ABCB8: variants seen among roughly 807,000 people sequenced by gnomAD.
The protein encoded by ABCB8 is mitochondrial potassium channel ATP-binding subunit.
Under a neutral mutation model 73.0 loss-of-function variants are expected in ABCB8, and 52 were observed. That is an observed-to-expected ratio of 0.71 (90% CI 0.57 to 0.90). The LOEUF (loss-of-function observed/expected upper bound fraction) is 0.90. Ranked by LOEUF, ABCB8 falls within the 40% of genes least tolerant of loss-of-function variation. The pLI is 0.00. For missense variants in ABCB8, 909 were observed against 974.6 expected, an observed-to-expected ratio of 0.93 and a Z score of 0.90; for synonymous variants, 428 against 423.5, an observed-to-expected ratio of 1.01 and a Z score of -0.13.
intron 14 of ABCB8, among the ~76,000 whole-genome samples, chr7:151,042,794 C>T (rs961298694): frequency 6.6e-6 from 1 of 152,228 alleles, no homozygotes; most frequent in Admixed American, 6.5e-5. Context: ...TCTGGTCAGT[C>T]TGAGTCCAGC....
chr7:151,037,478 C>A, intron 9 of ABCB8: 1 of 617,044 alleles, frequency 1.6e-6, no homozygotes, highest in South Asian at 1.9e-5. Context: ...GATCACCAGA[C>A]AGCTCAAGGC....
rs536721743 is a variant in ABCB8, at chr7:151,042,880, T to G, written c.1765+772T>G. 1.1e-4 allele frequency among the ~76,000 whole-genome samples: 16 copies of G among 152,352 alleles called. No individual in the cohort carries two copies. In the South Asian group the frequency reaches 3.1e-3, roughly 30 times the overall value. ...GGCTCCTCCAGCCGTGTTGATACACTGTCCAGATGCCAGCTGTCCTCACTG... is the reference window on the plus strand; with the variant it reads ...GGCTCCTCCAGCCGTGTTGATACACGGTCCAGATGCCAGCTGTCCTCACTG... On this transcript the variant is annotated intron_variant, in intron 14 of 15. Transcript: ENST00000358849.
At chr7:151,037,124 G>C in intron 9 of ABCB8, 1 of 702,174 alleles carries the variant, frequency 1.4e-6, no homozygotes, top group Non-Finnish European at 2.6e-6. Flanking sequence ...CCAGCCCCTG[G>C]CACCCACCAT....
chr7:151,032,310 G>T (rs773655192), intron 1 of ABCB8, among the ~76,000 whole-genome samples: 3 of 152,172 alleles, frequency 2.0e-5, no homozygotes, highest in Non-Finnish European at 4.4e-5. Context: ...TGAGTCTCCC[G>T]CACTCAAGCA....
At chr7:151,037,137 C>T (rs1584951956) in intron 9 of ABCB8, 2 of 702,696 alleles carry the variant, frequency 2.8e-6, no homozygotes, top group Admixed American at 2.0e-5. Context: ...CCCACCATTC[C>T]ACTTTCTGTC....
rs968012497 is a variant in ABCB8 at position 151,047,562 on chromosome 7, G to C, written c.*2213G>C. Reference sequence around the variant, plus strand: ...CCCCCATGAAGCTTGTGTCCTGTTGGGAGGACAGACAGGTGGCCCAGCAGT... The same window carrying C: ...CCCCCATGAAGCTTGTGTCCTGTTGCGAGGACAGACAGGTGGCCCAGCAGT... On this transcript the variant is annotated 3_prime_UTR_variant, in exon 16 of 16. Coordinates refer to ENST00000358849, the MANE Select transcript of ABCB8 (RefSeq NM_007188.5). The C allele has an allele frequency of 1.3e-5, 2 of 152,256 alleles. No homozygotes were observed. The highest frequency in any genetic ancestry group is 2.9e-5 in the Non-Finnish European group (2 of 68,064). The allele number at this position is 152,256 out of a possible 1,614,324, so 9.4% of individuals were successfully genotyped here. A position where few individuals can be genotyped will look rare whatever the true frequency, so the allele number is the denominator to read the frequency against.
chr7:151,036,726 GC>G, intron 9 of ABCB8, 77 bp downstream of exon 9: 1 of 1,281,530 alleles, frequency 7.8e-7, no homozygotes, highest in Non-Finnish European at 1.1e-6. Context: ...GGACACGGGT[GC>G]CAGCCTTCTC....
rs1796229357 is a variant in ABCB8 at position 151,033,807 on chromosome 7, G to A, written c.298G>A (p.Glu100Lys). 1 of 1,613,958 alleles carries A rather than the reference G, an allele frequency of 6.2e-7. No homozygotes were observed. Among genetic ancestry groups the A allele is most frequent in the African/African-American group, 1.3e-5 (1 of 74,910 alleles). Residue 100 changes from glutamate (E) to lysine (K), a missense_variant, in exon 2 of 16, where the codon GAG becomes AAG. Physicochemically the swap from Glu to Lys is moderately conservative, Grantham distance 56 (BLOSUM62 1). Coordinates refer to ENST00000358849, the MANE Select transcript of ABCB8 (RefSeq NM_007188.5). ...CCTTGTGGCCCTGTGTGAGGCAGAA[G>A]AGGCCCCTCCTGCCAGCTCCACACC... is the stretch of plus-strand genomic sequence containing the variant. Reference protein sequence around the residue: ...LCLVALCEAEEAPPASSTPHV... With the variant: ...LCLVALCEAEKAPPASSTPHV...
In ABCB8 at chr7:151,041,199, G is replaced by T; in HGVS notation, c.1584G>T (p.Trp528Cys). Reference protein sequence around the residue: ...GRDLRTLDPSWLRGQVVGFIS... With the variant: ...GRDLRTLDPSCLRGQVVGFIS... ...ACCTGCGCACCCTTGACCCCTCCTG[G>T]CTCCGGGGCCAGGTTGTCGGCTTCA... The change falls in exon 13 of 16, where the codon TGG becomes TGT. Residue 528 changes from tryptophan to cysteine, a missense_variant. Physicochemically the swap from Trp to Cys is radical, Grantham distance 215. Coordinates refer to ENST00000358849, the MANE Select transcript of ABCB8 (RefSeq NM_007188.5). 1.9e-6 allele frequency: 3 copies of T among 1,606,694 alleles called. No homozygotes were observed. The highest frequency in any genetic ancestry group is 2.5e-6 in the Non-Finnish European group (3 of 1,179,640).
chr7:151,033,063 T>A, intron 1 of ABCB8: 1 of 456,592 alleles, frequency 2.2e-6, no homozygotes, highest in Non-Finnish European at 4.4e-6. Flanking sequence ...ATCTGTCAGG[T>A]GAGAATAATG....
chr7:151,036,784 G>GGAT, intron 9 of ABCB8, 135 bp downstream of exon 9: 1 of 814,384 alleles, frequency 1.2e-6, no homozygotes, highest in Admixed American at 1.9e-5. Flanking sequence ...GCTTCCCCAG[G>GGAT]GATGCATAGG....
At chr7:151,036,690 G>A (rs370693299) in intron 9 of ABCB8, 41 bp downstream of exon 9, 40 of 1,490,826 alleles carry the variant, frequency 2.7e-5, no homozygotes, top group African/African-American at 9.8e-5. Flanking sequence ...GCCCCCTGCC[G>A]CCCTCCAGAG....
intron 11 of ABCB8, 41 bp from the exon 12 acceptor site, chr7:151,040,787 T>C: frequency 6.3e-7 from 1 of 1,589,606 alleles, no homozygotes; most frequent in East Asian, 2.3e-5. Flanking sequence ...CAACAAGGGC[T>C]GGGAGCCTGG....
intron 1 of ABCB8, chr7:151,033,035 C>T (rs767159223): frequency 6.6e-6 from 3 of 456,698 alleles, no homozygotes; most frequent in South Asian, 1.5e-5. Context: ...GCTCTCTTAG[C>T]TCCACATGAT....
At position 151,040,854 on chromosome 7, in the gene ABCB8, T is replaced by C; in HGVS notation, c.1415T>C (p.Val472Ala). ...FSYPCRPGFE[V>A]LKDFTLTLPP... ...TACCCCTGCCGCCCCGGCTTCGAGGTGCTGAAAGACTTCACCCTGACGCTG... is the reference window on the plus strand; with the variant it reads ...TACCCCTGCCGCCCCGGCTTCGAGGCGCTGAAAGACTTCACCCTGACGCTG... The change falls in exon 12 of 16, where the codon GTG (valine) becomes GCG (alanine). Residue 472 changes from valine to alanine, a missense_variant. Physicochemically the swap from Val to Ala is moderately conservative, Grantham distance 64. Transcript: ENST00000358849. The C allele has an allele frequency of 6.2e-7, 1 of 1,601,520 alleles. No homozygotes were observed. The highest frequency in any genetic ancestry group is 8.5e-7 in the Non-Finnish European group (1 of 1,174,402).
At position 151,047,688 on chromosome 7, in the gene ABCB8, A is replaced by G. The variant is rs1796651423; in HGVS notation, c.*2339A>G. 1 of 152,254 alleles carries G rather than the reference A, an allele frequency of 6.6e-6. No individual in the cohort carries two copies. Among genetic ancestry groups the G allele is most frequent in the Admixed American group, 6.5e-5 (1 of 15,290 alleles). The allele number at this position is 152,254 out of a possible 1,614,324, so 9.4% of individuals were successfully genotyped here. ...AGTCCTGGGAGTTCACATCTGTGTGATGATACGGCAACATTGTTTGTAATG... is the reference window on the plus strand; with the variant it reads ...AGTCCTGGGAGTTCACATCTGTGTGGTGATACGGCAACATTGTTTGTAATG... On this transcript the variant is annotated 3_prime_UTR_variant, in exon 16 of 16. Coordinates refer to ENST00000358849, the MANE Select transcript of ABCB8 (RefSeq NM_007188.5).
chr7:151,036,726 G>A, intron 9 of ABCB8, 77 bp downstream of exon 9: 1 of 1,281,530 alleles, frequency 7.8e-7, no homozygotes, highest in Non-Finnish European at 1.1e-6. Flanking sequence ...GGACACGGGT[G>A]CCAGCCTTCT....
rs754117695 is a variant in ABCB8 at position 151,041,209 on chromosome 7, C to T, written c.1594C>T (p.Gln532Ter). Reference sequence around the variant, plus strand: ...CCTTGACCCCTCCTGGCTCCGGGGCCAGGTTGTCGGCTTCATCAGCCAGGT... The same window carrying T: ...CCTTGACCCCTCCTGGCTCCGGGGCTAGGTTGTCGGCTTCATCAGCCAGGT... Reference protein sequence around the residue: ...RTLDPSWLRGQVVGFISQEPV... With the variant: ...RTLDPSWLRG Residue 532 changes from glutamine (Q) to a stop codon, truncating the protein, a stop_gained, in exon 13 of 16, where the codon CAG becomes TAG. Coordinates refer to ENST00000358849, the MANE Select transcript of ABCB8 (RefSeq NM_007188.5). LOFTEE classifies it high-confidence loss of function. The T allele has an allele frequency of 6.2e-7, 1 of 1,604,490 alleles. No homozygotes were observed. Among genetic ancestry groups the T allele is most frequent in the Non-Finnish European group, 8.5e-7 (1 of 1,179,414 alleles).
At chr7:151,037,301 A>C (rs1330155679) in intron 9 of ABCB8, 5 of 702,790 alleles carry the variant, frequency 7.1e-6, no homozygotes, top group Non-Finnish European at 5.2e-6. Flanking sequence ...CATTCCATGC[A>C]TGGAAGGACC....
Sources: allele counts gnomAD v4.1 joint callset (sites outside exome capture counted in the v4.1 genomes callset), GRCh38; gene constraint gnomAD v4.1.1; transcripts MANE v1.5; gene names NCBI Gene and HGNC (gene_info 2026-07-23, HGNC 2026-07-21).